The following P4HA1 variants were observed in gnomAD, a reference collection of about 807,000 sequenced individuals.
P4HA1 encodes the protein prolyl 4-hydroxylase subunit alpha-1.
P4HA1 carries 24 observed loss-of-function variants against 72.8 expected under a neutral mutation model. The observed-to-expected ratio is 0.33, with a 90% CI of 0.24 to 0.46. P4HA1 has a LOEUF of 0.46. Among genes scored for constraint, P4HA1 ranks in the 20% least tolerant of loss-of-function variants. P4HA1 has a pLI of 1.00. For missense variants in P4HA1, 446 were observed against 640.6 expected (o/e 0.70, Z 3.28); for synonymous variants, 201 against 218.8 (o/e 0.92, Z 0.72).
chr10:73,024,030 C>T (rs1344582901), intron 10 of P4HA1, among the ~76,000 whole-genome samples: 7 of 152,126 alleles, frequency 4.6e-5, no homozygotes, highest in South Asian at 4.1e-4. Context: ...GACTCTCACA[C>T]AATAATAATG....
chr10:73,065,808 G>A lies in P4HA1; in HGVS notation c.463+3038C>T, dbSNP rs369287835. ...GATGTATCAAACTTCATTTGATAAA[G>A]CAAAAAATTGGACAAAATCTAAATG... On this transcript the variant is annotated intron_variant, in intron 5 of 14. Coordinates refer to ENST00000394890, the MANE Select transcript of P4HA1 (RefSeq NM_001017962.3). Among the ~76,000 whole-genome samples, 8 of 152,116 alleles carry A rather than the reference G, an allele frequency of 5.3e-5. No individual in the cohort carries two copies. In the East Asian group the frequency reaches 1.4e-3, roughly 26 times the overall value.
chr10:73,092,509 C>T (rs1169648284), intron 1 of P4HA1, among the ~76,000 whole-genome samples: 1 of 148,678 alleles, frequency 6.7e-6, no homozygotes. Flanking sequence ...CAACCTCATG[C>T]CCCCTTAATT....
At chr10:73,028,512 A>G (rs1197721139) in intron 10 of P4HA1, among the ~76,000 whole-genome samples, 4 of 151,526 alleles carry the variant, frequency 2.6e-5, no homozygotes, top group African/African-American at 9.7e-5. Flanking sequence ...GCTCACCGCA[A>G]CCTCCACCTC....
At chr10:73,070,933 G>C (rs1020566142) in intron 4 of P4HA1, among the ~76,000 whole-genome samples, 4 of 152,118 alleles carry the variant, frequency 2.6e-5, no homozygotes, top group Non-Finnish European at 4.4e-5. Flanking sequence ...GTAATCCCTA[G>C]CGCTGTGGGA....
chr10:73,080,726 A>G (rs1458467642), intron 1 of P4HA1, among the ~76,000 whole-genome samples: 1 of 152,138 alleles, frequency 6.6e-6, no homozygotes, highest in Non-Finnish European at 1.5e-5. Flanking sequence ...CAGGAGTTTG[A>G]GACCAGCCTG....
At chr10:73,093,854 A>AT (rs1554843970) in intron 1 of P4HA1, among the ~76,000 whole-genome samples, 1 of 58,054 alleles carries the variant, frequency 1.7e-5, no homozygotes, top group African/African-American at 8.9e-5. Context: ...AAAAAAAAAA[A>AT]AAAAAAAAAA....
chr10:73,083,339 G>C (rs146757830), intron 1 of P4HA1, among the ~76,000 whole-genome samples: 3 of 152,118 alleles, frequency 2.0e-5, no homozygotes, highest in African/African-American at 7.2e-5. Context: ...CAGAAATCAC[G>C]CTAGCTTCTT....
intron 9 of P4HA1, among the ~76,000 whole-genome samples, chr10:73,044,218 G>C (rs193058750): frequency 2.6e-5 from 4 of 152,148 alleles, no homozygotes; most frequent in Admixed American, 2.6e-4. Flanking sequence ...ATCATTTGAA[G>C]CTGTATGTAA....
intron 10 of P4HA1, among the ~76,000 whole-genome samples, chr10:73,029,341 CAG>C (rs780006175): frequency 1.4e-5 from 2 of 146,146 alleles, no homozygotes; most frequent in African/African-American, 2.6e-5. Flanking sequence ...AACCAGGAGA[CAG>C]GGGTTGTAGT....
At chr10:73,024,541 A>C (rs966526909) in intron 10 of P4HA1, among the ~76,000 whole-genome samples, 2 of 152,246 alleles carry the variant, frequency 1.3e-5, no homozygotes, top group Non-Finnish European at 2.9e-5. Context: ...GAAAGCAAGA[A>C]AGACCTAAAA....
At chr10:73,047,738 C>T (rs1033787177) in intron 7 of P4HA1, among the ~76,000 whole-genome samples, 3 of 152,128 alleles carry the variant, frequency 2.0e-5, no homozygotes, top group Non-Finnish European at 4.4e-5. Context: ...TATTTTGTTG[C>T]CTACTTCTCT....
intron 4 of P4HA1, 26 bp downstream of exon 4, chr10:73,072,003 T>G: frequency 6.4e-7 from 1 of 1,558,992 alleles, no homozygotes; most frequent in Middle Eastern, 1.7e-4. Context: ...CAATATTACC[T>G]TACTCAGGAA....
Position 73,011,021 on chromosome 10 carries a change from G to A in P4HA1, c.1385C>T (p.Ala462Val). ...TWLFYMSDVS[A>V]GGATVFPEVG... The stretch of plus-strand genomic sequence containing the variant: ...TTCAGGAAAAACAGTGGCTCCTCCT[G>A]CAGACACATCACTCATCTATAAGAA... The change falls in exon 13 of 15, where the codon GCA becomes GTA. Residue 462 changes from alanine to valine, a missense_variant. Coordinates refer to ENST00000394890, the MANE Select transcript of P4HA1 (RefSeq NM_001017962.3). The A allele has an allele frequency of 1.2e-6, 2 of 1,613,288 alleles. No individual in the cohort carries two copies. The highest frequency in any genetic ancestry group is 1.7e-6 in the Non-Finnish European group (2 of 1,179,406).
chr10:73,086,209 C>T (rs958006399), intron 1 of P4HA1, among the ~76,000 whole-genome samples: 15 of 152,188 alleles, frequency 9.9e-5, no homozygotes, highest in African/African-American at 3.6e-4. Context: ...AACACATGCC[C>T]AGGCAAAAAC....
At chr10:73,070,736 CA>C (rs1841538462) in intron 4 of P4HA1, among the ~76,000 whole-genome samples, 1 of 152,088 alleles carries the variant, frequency 6.6e-6, no homozygotes, top group African/African-American at 2.4e-5. Flanking sequence ...TCTTATGCTA[CA>C]AACAAAATTC....
At chr10:73,047,196 A>G in intron 7 of P4HA1, 95 bp from the exon 8 acceptor site, 1 of 897,876 alleles carries the variant, frequency 1.1e-6, no homozygotes, top group South Asian at 1.6e-5. Flanking sequence ...TCATGCTTGC[A>G]TATACAGAGT....
intron 4 of P4HA1, among the ~76,000 whole-genome samples, chr10:73,069,410 GTTGTTTTTTTC>G (rs1841497636): frequency 6.6e-6 from 1 of 152,058 alleles, no homozygotes; most frequent in South Asian, 2.1e-4. Flanking sequence ...TGCTCTTAAA[GTTGTTTTTTTC>G]TTCCATGTAT....
intron 10 of P4HA1, among the ~76,000 whole-genome samples, chr10:73,017,877 A>C (rs773985923): frequency 3.9e-5 from 6 of 152,254 alleles, no homozygotes; most frequent in Non-Finnish European, 8.8e-5. Flanking sequence ...TCAATCACAC[A>C]ACACAATAAA....
chr10:73,009,643 A>G, intron 14 of P4HA1, 164 bp downstream of exon 14: 1 of 511,208 alleles, frequency 2.0e-6, no homozygotes. Context: ...CAAAATTCTG[A>G]TTTCAAATTT....
Sources: allele counts gnomAD v4.1 joint callset (sites outside exome capture counted in the v4.1 genomes callset), GRCh38; gene constraint gnomAD v4.1.1; transcripts MANE v1.5; gene names NCBI Gene and HGNC (gene_info 2026-07-23, HGNC 2026-07-21).